GPR137: variants seen among roughly 807,000 people sequenced by gnomAD.
The protein encoded by GPR137 is G protein-coupled receptor 137, also known as integral membrane protein GPR137.
Under a neutral mutation model 38.9 loss-of-function variants are expected in GPR137, and 20 were observed. The ratio of observed to expected loss-of-function variants is 0.51; its 90% confidence interval spans 0.36 to 0.75. GPR137 has a LOEUF of 0.75. Ranked by LOEUF, GPR137 falls within the 30% of genes least tolerant of loss-of-function variation. The pLI, the probability that GPR137 is intolerant of heterozygous loss-of-function variation, is 0.00. For synonymous variants in GPR137, 226 were observed against 235.8 expected, an observed-to-expected ratio of 0.96 and a Z score of 0.38; for missense variants, 456 against 526.4, an observed-to-expected ratio of 0.87 and a Z score of 1.31.
upstream of GPR137, among the ~76,000 whole-genome samples, chr11:64,283,052 T>TCAAAA (rs956768345): frequency 2.0e-5 from 3 of 152,090 alleles, no homozygotes; most frequent in Non-Finnish European, 4.4e-5. Flanking sequence ...AGACCCTGTC[T>TCAAAA]CAAAACAAAA....
At chr11:64,274,494 C>G (rs968228366), upstream of GPR137, among the ~76,000 whole-genome samples, 2 of 152,022 alleles carry the variant, frequency 1.3e-5, no homozygotes, top group African/African-American at 4.8e-5. Flanking sequence ...CGAGATCAGC[C>G]TGACCCAACA....
Position 64,287,843 on chromosome 11 carries a change from T to C in GPR137, c.530T>C (p.Leu177Pro). 6.2e-7 allele frequency: 1 copy of C among 1,605,818 alleles called. No homozygotes were observed. Among genetic ancestry groups the C allele is most frequent in the Non-Finnish European group, 8.5e-7 (1 of 1,179,904 alleles). The part of the protein sequence containing the change: ...QPWALLLVRV[L>P]VSDSLFVICA... ...TGGGCCCTGCTGCTTGTCCGCGTCC[T>C]GGTGAGCGACTCCCTGTTCGTCATC... Residue 177 changes from leucine to proline, a missense_variant, in exon 3 of 7, where the codon CTG becomes CCG. Leu to Pro is a moderately conservative substitution (Grantham distance 98). Coordinates refer to ENST00000438980, the MANE Select transcript of GPR137 (RefSeq NM_001170880.2).
chr11:64,282,455 G>C (rs1041388127), upstream of GPR137, among the ~76,000 whole-genome samples: 9 of 152,156 alleles, frequency 5.9e-5, no homozygotes, highest in Admixed American at 4.6e-4. Context: ...TAAAAAATGA[G>C]CTGGTGTGGT....
upstream of GPR137, among the ~76,000 whole-genome samples, chr11:64,271,416 G>T (rs560044787): frequency 1.0e-4 from 15 of 149,100 alleles, no homozygotes; most frequent in African/African-American, 3.4e-4. Context: ...CCAGGCGGGG[G>T]AAGAGCTGGG....
chr11:64,281,845 C>T (rs1211963690), upstream of GPR137, among the ~76,000 whole-genome samples: 4 of 152,144 alleles, frequency 2.6e-5, no homozygotes, highest in African/African-American at 7.2e-5. Context: ...CTCAGCCTCC[C>T]GAGTAGCTGG....
chr11:64,274,895 G>C (rs1424716141), upstream of GPR137, among the ~76,000 whole-genome samples: 1 of 143,152 alleles, frequency 7.0e-6, no homozygotes, highest in Non-Finnish European at 1.5e-5. Context: ...TAAGGCACAA[G>C]AATCACTTGA....
chr11:64,287,639 T>G, intron 2 of GPR137, 82 bp from the exon 3 acceptor site: 1 of 1,582,260 alleles, frequency 6.3e-7, no homozygotes. Flanking sequence ...TTTGTCGACA[T>G]TGGGGTTTCC....
At chr11:64,284,885 A>G (rs2033780705), upstream of GPR137, 3 of 1,447,092 alleles carry the variant, frequency 2.1e-6, no homozygotes, top group Non-Finnish European at 2.7e-6. Context: ...GCTGCCTCAC[A>G]CCTTGGGCGT....
chr11:64,284,435 A>G (rs1450790063), upstream of GPR137: 3 of 1,604,960 alleles, frequency 1.9e-6, no homozygotes, highest in African/African-American at 2.7e-5. Flanking sequence ...TGGCCCTGGA[A>G]GGCAGAGGCA....
At chr11:64,280,298 C>T (rs551135775), upstream of GPR137, among the ~76,000 whole-genome samples, 11 of 143,660 alleles carry the variant, frequency 7.7e-5, no homozygotes, top group South Asian at 2.3e-4. Context: ...CCAGCCTGGG[C>T]GACAGAGCAA....
upstream of GPR137, among the ~76,000 whole-genome samples, chr11:64,274,343 C>T (rs1176461780): frequency 4.0e-5 from 6 of 151,016 alleles, no homozygotes; most frequent in South Asian, 2.1e-4. Context: ...GCTGAGATCA[C>T]GCCACTGCAC....
intron 2 of GPR137, chr11:64,287,232 G>A (rs1051743673): frequency 2.0e-6 from 2 of 985,242 alleles, no homozygotes; most frequent in South Asian, 4.7e-5. Flanking sequence ...TAGTGTGAGG[G>A]AGAGGGCCCC....
chr11:64,284,954 C>G, upstream of GPR137: 1 of 1,398,272 alleles, frequency 7.2e-7, no homozygotes, highest in East Asian at 2.7e-5. Context: ...AGACCCACTT[C>G]TGCCAACAAG....
chr11:64,287,273 G>A (rs1164723840), intron 2 of GPR137: 20 of 985,410 alleles, frequency 2.0e-5, no homozygotes, highest in Non-Finnish European at 2.4e-5. Flanking sequence ...GCGAGCTGGA[G>A]GCTCCAGCCC....
At chr11:64,276,653 T>C in intron 2 of GPR137, 1 of 459,158 alleles carries the variant, frequency 2.2e-6, no homozygotes, top group Non-Finnish European at 3.9e-6. Flanking sequence ...AAAAGTGTTC[T>C]ATTTACAGGG....
intron 2 of GPR137, among the ~76,000 whole-genome samples, chr11:64,278,664 T>C (rs2033227185): frequency 6.6e-6 from 1 of 152,204 alleles, no homozygotes; most frequent in Admixed American, 6.5e-5. Flanking sequence ...GCCCAGGGGC[T>C]AGCACTGGGC....
chr11:64,276,809 A>C, intron 2 of GPR137: 1 of 664,966 alleles, frequency 1.5e-6, no homozygotes, highest in Non-Finnish European at 2.8e-6. Context: ...AGGCCTGCCC[A>C]CTCTTGCCAT....
upstream of GPR137, chr11:64,271,896 C>T: frequency 9.0e-7 from 1 of 1,107,396 alleles, no homozygotes; most frequent in African/African-American, 1.6e-5. Flanking sequence ...CTCTGCAGGC[C>T]CACTCGTGGG....
Position 64,288,191 on chromosome 11 carries a change from G to A in GPR137, c.760G>A (p.Asp254Asn), listed in dbSNP as rs148504479. Residue 254 changes from aspartate to asparagine, a missense_variant, in exon 4 of 7, where the codon GAC (aspartate) becomes AAC (asparagine). Physicochemically the swap from Asp to Asn is conservative, Grantham distance 23. Transcript: ENST00000438980. The surrounding 1 kb of genome is among the most constrained non-coding windows in gnomAD (Gnocchi z 5.5). Reference protein sequence around the residue: ...PQSRLDTFDYDWYNVSDQADL... With the variant: ...PQSRLDTFDYNWYNVSDQADL... ...GAGCCGGCTGGACACCTTCGATTAC[G>A]ACTGGTACAATGTGTCTGACCAGGT... is the stretch of plus-strand genomic sequence containing the variant. The A allele has an allele frequency of 1.5e-5, 25 of 1,612,964 alleles. No individual in the cohort carries two copies. Among genetic ancestry groups the A allele is most frequent in the Non-Finnish European group, 2.0e-5 (24 of 1,179,938 alleles).
Sources: gnomAD v4.1 joint callset for allele counts (sites outside exome capture counted in the v4.1 genomes callset) on GRCh38, gnomAD v4.1.1 for gene constraint, Gnocchi (gnomAD v3.1) non-coding constraint, MANE v1.5 for transcripts, NCBI Gene and HGNC (gene_info 2026-07-23, HGNC 2026-07-21) for gene names.